The following CSGALNACT1 variants were observed in gnomAD, a reference collection of about 807,000 sequenced individuals.
CSGALNACT1 encodes beta4GalNAcT-1.
CSGALNACT1 carries 52 observed loss-of-function variants against 51.0 expected under a neutral mutation model. That is an observed-to-expected ratio of 1.02 (90% CI 0.82 to 1.29). The LOEUF (loss-of-function observed/expected upper bound fraction) is 1.29. Among genes scored for constraint, CSGALNACT1 ranks in the 50% most tolerant of loss-of-function variants. The probability of loss-of-function intolerance (pLI) is 0.00; values close to 1 mark genes in which losing one functional copy is unlikely to be tolerated. For missense variants in CSGALNACT1, 935 were observed against 679.2 expected, an observed-to-expected ratio of 1.38 and a Z score of -4.19; for synonymous variants, 341 against 254.4, an observed-to-expected ratio of 1.34 and a Z score of -3.24.
In CSGALNACT1 at chr8:19,681,293, T is replaced by A. The variant is rs554895812; in HGVS notation, c.-544+1180A>T. 3.9e-3 allele frequency among the ~76,000 whole-genome samples: 588 copies of A among 151,946 alleles called. 3 individuals carry two copies. Among genetic ancestry groups the A allele is most frequent in the Non-Finnish European group, 6.6e-3 (447 of 67,966 alleles). The stretch of plus-strand genomic sequence containing the variant: ...AATGGAAACAGTAGAAAGGCAGGAA[T>A]TGGATATGTGTAAGAGGTTGAGGCA... On this transcript the variant is annotated intron_variant, in intron 1 of 9. Coordinates refer to the CSGALNACT1 transcript ENST00000332246.
At chr8:19,461,521 G>C (rs867611202) in intron 4 of CSGALNACT1, among the ~76,000 whole-genome samples, 11 of 133,982 alleles carry the variant, frequency 8.2e-5, no homozygotes, top group African/African-American at 2.1e-4. Context: ...CATGGGGGGC[G>C]TATCCGCACA....
chr8:19,601,989 T>C (rs2050538201), intron 1 of CSGALNACT1, 124 bp from the exon 2 acceptor site: 1 of 395,090 alleles, frequency 2.5e-6, no homozygotes, highest in Non-Finnish European at 5.0e-6. Flanking sequence ...CTGAAAGTAT[T>C]ACCCCAAAAA....
intron 1 of CSGALNACT1, among the ~76,000 whole-genome samples, chr8:19,649,519 T>A (rs1208883359): frequency 1.3e-5 from 2 of 152,152 alleles, no homozygotes; most frequent in Non-Finnish European, 2.9e-5. Context: ...AAATGTTGTC[T>A]TAGTCCTATG....
chr8:19,602,383 A>G (rs1011707991), exon 1 of CSGALNACT1: 3 of 152,904 alleles, frequency 2.0e-5, no homozygotes, highest in African/African-American at 4.8e-5. Context: ...TTTTCCCCAG[A>G]GAAGGTAAGA....
chr8:19,602,658 G>A (rs1188195782), upstream of CSGALNACT1: 1 of 152,294 alleles, frequency 6.6e-6, no homozygotes, highest in Non-Finnish European at 1.5e-5. Context: ...GCCCCTGCCT[G>A]GAGATTGCGC....
At chr8:19,755,804 C>T (rs2065336616) in intron 1 of CSGALNACT1, among the ~76,000 whole-genome samples, 1 of 152,176 alleles carries the variant, frequency 6.6e-6, no homozygotes, top group Non-Finnish European at 1.5e-5. Context: ...AGATTTAGCA[C>T]ACAAAGATGA....
chr8:19,611,069 G>T (rs947289168), intron 1 of CSGALNACT1, among the ~76,000 whole-genome samples: 1 of 152,212 alleles, frequency 6.6e-6, no homozygotes, highest in Non-Finnish European at 1.5e-5. Context: ...GGGGACAAGA[G>T]AACTTTTCCC....
intron 1 of CSGALNACT1, among the ~76,000 whole-genome samples, chr8:19,669,876 A>C (rs2059656828): frequency 6.6e-6 from 1 of 152,174 alleles, no homozygotes; most frequent in Admixed American, 6.5e-5. Context: ...GATACTATTC[A>C]AACTTACCTT....
At chr8:19,495,209 G>A (rs911637768) in intron 4 of CSGALNACT1, 9 of 152,164 alleles carry the variant, frequency 5.9e-5, no homozygotes, top group Middle Eastern at 3.2e-3. Context: ...AGGTAAATCA[G>A]ATTGATTCTG....
chr8:19,585,725 T>C (rs1009954964), intron 3 of CSGALNACT1, among the ~76,000 whole-genome samples: 1 of 152,256 alleles, frequency 6.6e-6, no homozygotes, highest in East Asian at 1.9e-4. Context: ...AGGTGTAAAA[T>C]GAGAAGAACC....
intron 3 of CSGALNACT1, among the ~76,000 whole-genome samples, chr8:19,525,113 A>G (rs997981626): frequency 6.6e-6 from 1 of 152,208 alleles, no homozygotes; most frequent in Non-Finnish European, 1.5e-5. Flanking sequence ...TTCAGTATGG[A>G]AACTTTGTGT....
intron 1 of CSGALNACT1, among the ~76,000 whole-genome samples, chr8:19,750,114 T>A (rs1002282182): frequency 6.6e-6 from 1 of 152,196 alleles, no homozygotes; most frequent in Admixed American, 6.5e-5. Flanking sequence ...TTCTGACTTG[T>A]TCCAACTTCC....
At chr8:19,492,346 A>G (rs1294527024) in intron 4 of CSGALNACT1, among the ~76,000 whole-genome samples, 1 of 152,248 alleles carries the variant, frequency 6.6e-6, no homozygotes, top group Non-Finnish European at 1.5e-5. Context: ...CCTGGGATGT[A>G]GTAGACATTT....
chr8:19,743,447 T>A (rs1246086008), intron 1 of CSGALNACT1, among the ~76,000 whole-genome samples: 3 of 152,216 alleles, frequency 2.0e-5, no homozygotes, highest in Non-Finnish European at 4.4e-5. Flanking sequence ...TGATATCAGA[T>A]AACTTATCAA....
intron 6 of CSGALNACT1, among the ~76,000 whole-genome samples, 154 bp from the exon 6 acceptor site, chr8:19,420,672 A>G (rs2057782365): frequency 6.6e-6 from 1 of 152,182 alleles, no homozygotes; most frequent in African/African-American, 2.4e-5. Context: ...AACGGCCCAG[A>G]CTCACAGGAT....
chr8:19,702,735 T>TC (rs1478399408), intron 1 of CSGALNACT1, among the ~76,000 whole-genome samples: 1 of 152,076 alleles, frequency 6.6e-6, no homozygotes, highest in East Asian at 1.9e-4. Context: ...GTTCCATGTG[T>TC]CTATACCAGA....
intron 1 of CSGALNACT1, among the ~76,000 whole-genome samples, chr8:19,748,117 T>G (rs1328246908): frequency 6.6e-6 from 1 of 152,228 alleles, no homozygotes; most frequent in Non-Finnish European, 1.5e-5. Flanking sequence ...TTTAAGTTAC[T>G]TATACGTATG....
At chr8:19,455,159 T>TA (rs1465360405) in intron 5 of CSGALNACT1, among the ~76,000 whole-genome samples, 2 of 152,242 alleles carry the variant, frequency 1.3e-5, no homozygotes, top group Admixed American at 1.3e-4. Context: ...CGTGCTGTTC[T>TA]ACACTGCTTA....
At chr8:19,749,831 T>C (rs1336571859) in intron 1 of CSGALNACT1, among the ~76,000 whole-genome samples, 2 of 152,130 alleles carry the variant, frequency 1.3e-5, no homozygotes, top group Non-Finnish European at 2.9e-5. Flanking sequence ...AACTAATAAT[T>C]TTGACTTAGC....
Sources: allele counts gnomAD v4.1 joint callset (sites outside exome capture counted in the v4.1 genomes callset), GRCh38; gene constraint gnomAD v4.1.1; transcripts MANE v1.5; gene names NCBI Gene and HGNC (gene_info 2026-07-23, HGNC 2026-07-21).